ADD3: variants seen among roughly 807,000 people sequenced by gnomAD.
The protein encoded by ADD3 is gamma-adducin.
In ADD3, 25 loss-of-function variants were observed where a neutral mutation model predicts 80.2. The observed-to-expected ratio is 0.31, with a 90% CI of 0.23 to 0.44. The LOEUF (loss-of-function observed/expected upper bound fraction) is 0.44. ADD3 is among the 20% of genes least tolerant of loss of function. The pLI is 1.00. For missense variants in ADD3, 829 were observed against 847.5 expected, an observed-to-expected ratio of 0.98 and a Z score of 0.27; for synonymous variants, 284 against 289.6, an observed-to-expected ratio of 0.98 and a Z score of 0.20.
Position 110,088,105 on chromosome 10 carries a change from G to C in ADD3, c.-29-12520G>C, listed in dbSNP as rs185776517. ...ATCTCTCTCACTTTCCTCTTATAAA[G>C]ATACTAGTCGTTGGATTTAGGACTC... is the stretch of plus-strand genomic sequence containing the variant. On this transcript the variant is annotated intron_variant, in intron 1 of 14. Coordinates refer to ENST00000356080, the MANE Select transcript of ADD3 (RefSeq NM_016824.5). 2.0e-4 allele frequency among the ~76,000 whole-genome samples: 31 copies of C among 152,146 alleles called. 1 individual carries two copies. Among genetic ancestry groups the C allele is most frequent in the Middle Eastern group, 6.8e-3 (2 of 294 alleles).
intron 4 of ADD3, 53 bp downstream of exon 4, chr10:110,116,463 A>G (rs1479718361): frequency 1.3e-6 from 2 of 1,580,736 alleles, no homozygotes; most frequent in African/African-American, 1.3e-5. Context: ...CTAGAAGGCA[A>G]CTATACTCTT....
At chr10:110,059,565 A>G (rs143342476) in intron 1 of ADD3, among the ~76,000 whole-genome samples, 1,521 of 151,116 alleles carry the variant, frequency 0.01, 25 homozygotes, top group African/African-American at 0.033. Flanking sequence ...GTTCGAGAAC[A>G]GCCTGGCCAC....
Position 110,051,930 on chromosome 10 carries a change from T to C in ADD3, c.-30+43631T>C, listed in dbSNP as rs577615439. 7.2e-5 allele frequency among the ~76,000 whole-genome samples: 11 copies of C among 152,282 alleles called. No homozygotes were observed. The South Asian group carries it at 1.2e-3, about 17-fold the overall frequency. On this transcript the variant is annotated intron_variant, in intron 1 of 14. Transcript: ENST00000356080. ...CGATCCTCCAACCCAGCCTCCCAAG[T>C]AGCTGGGACCACAGGCCCACGCCAT...
At position 110,117,376 on chromosome 10, in the gene ADD3, T is replaced by A. The variant is rs370426959; in HGVS notation, c.521T>A (p.Ile174Lys). The A allele has an allele frequency of 6.2e-7, 1 of 1,606,632 alleles. No individual in the cohort carries two copies. Among genetic ancestry groups the A allele is most frequent in the Admixed American group, 1.7e-5 (1 of 59,992 alleles). Residue 174 changes from isoleucine to lysine, a missense_variant, in exon 5 of 15, where the codon ATA (isoleucine) becomes AAA (lysine). By Grantham distance (102) the Ile-to-Lys change is moderately radical. Coordinates refer to ENST00000356080, the MANE Select transcript of ADD3 (RefSeq NM_016824.5). ...RISKEQDHII[I>K]IPRGLSFSEA... Reference sequence around the variant, plus strand: ...AGTAAGGAGCAAGACCACATTATAATAATTCCCAGAGGCCTATCTTTTTCT... The same window carrying A: ...AGTAAGGAGCAAGACCACATTATAAAAATTCCCAGAGGCCTATCTTTTTCT...
chr10:109,996,761 T>C (rs1851388048), intron 1 of ADD3, among the ~76,000 whole-genome samples: 1 of 152,190 alleles, frequency 6.6e-6, no homozygotes, highest in Admixed American at 6.5e-5. Context: ...GAAATAAAAG[T>C]GTAGACAGTT....
chr10:110,099,938 T>C (rs937062167), intron 1 of ADD3, among the ~76,000 whole-genome samples: 36 of 152,242 alleles, frequency 2.4e-4, no homozygotes, highest in African/African-American at 8.4e-4. Flanking sequence ...TTCCTATTAC[T>C]CTGAAATACT....
intron 2 of ADD3, among the ~76,000 whole-genome samples, chr10:110,106,643 A>C (rs1849425661): frequency 6.6e-6 from 1 of 152,134 alleles, no homozygotes; most frequent in Non-Finnish European, 1.5e-5. Context: ...TATATAAAAT[A>C]AAAGGGTGTG....
chr10:110,002,809 A>G (rs2133683792), upstream of ADD3, among the ~76,000 whole-genome samples: 1 of 152,366 alleles, frequency 6.6e-6, no homozygotes, highest in East Asian at 1.9e-4. Context: ...GATTACTTAA[A>G]CAGTTGTATA....
At chr10:110,029,158 C>T (rs1273428468) in intron 1 of ADD3, among the ~76,000 whole-genome samples, 1 of 152,178 alleles carries the variant, frequency 6.6e-6, no homozygotes, top group African/African-American at 2.4e-5. Flanking sequence ...AGATTATCGG[C>T]GTGAGCCACC....
chr10:110,132,795 C>T (rs564194859), intron 14 of ADD3: 6 of 164,956 alleles, frequency 3.6e-5, no homozygotes, highest in South Asian at 2.9e-4. Flanking sequence ...GGTGTGGTGG[C>T]GGGCGCCTGT....
intron 1 of ADD3, among the ~76,000 whole-genome samples, chr10:110,046,421 T>A (rs1239840220): frequency 1.3e-5 from 1 of 77,518 alleles, no homozygotes; most frequent in Non-Finnish European, 2.2e-5. Flanking sequence ...TATACGTGGA[T>A]TTTTTTTTTT....
chr10:110,063,776 T>TATATATATATATAG (rs1564914369), intron 1 of ADD3, among the ~76,000 whole-genome samples: 1 of 97,726 alleles, frequency 1.0e-5, no homozygotes. Flanking sequence ...TATATATATA[T>TATATATATATATAG]ATATATAAAG....
chr10:110,133,501 C>G lies in ADD3; in HGVS notation c.2004C>G (p.Ile668Met), dbSNP rs13306102. 4 of 1,613,348 alleles carry G rather than the reference C, an allele frequency of 2.5e-6. No individual in the cohort carries two copies. Among genetic ancestry groups the G allele is most frequent in the Non-Finnish European group, 3.4e-6 (4 of 1,179,676 alleles). The change falls in exon 15 of 15, where the codon ATC becomes ATG. Residue 668 changes from isoleucine (I) to methionine (M), a missense_variant. Ile to Met is a conservative substitution (Grantham distance 10). Transcript: ENST00000356080. ...IEITIKSPEKIEEVLSPEGSP... is the reference protein window; with the variant it reads ...IEITIKSPEKMEEVLSPEGSP... ...TTACTATTAAGTCTCCAGAGAAAAT[C>G]GAAGAAGTCCTGTCACCTGAAGGCT...
In ADD3 at chr10:110,017,112, G is replaced by T. The variant is rs376243430; in HGVS notation, c.-30+8813G>T. ...TTAGTGAAGTAACTTGCCCAAGATCGTACCGTTAACAAAGGGCAGAGCCAA... is the reference window on the plus strand; with the variant it reads ...TTAGTGAAGTAACTTGCCCAAGATCTTACCGTTAACAAAGGGCAGAGCCAA... On this transcript the variant is annotated intron_variant, in intron 1 of 14. Coordinates refer to ENST00000356080, the MANE Select transcript of ADD3 (RefSeq NM_016824.5). Among the ~76,000 whole-genome samples, 11 of 152,252 alleles carry T rather than the reference G, an allele frequency of 7.2e-5. No individual in the cohort carries two copies. The South Asian group carries it at 8.3e-4, about 11-fold the overall frequency.
chr10:110,096,012 A>G (rs180769174), intron 1 of ADD3, among the ~76,000 whole-genome samples: 24 of 152,326 alleles, frequency 1.6e-4, no homozygotes, highest in African/African-American at 5.3e-4. Flanking sequence ...GGTGATGGAA[A>G]TAATCTCCTT....
intron 1 of ADD3, among the ~76,000 whole-genome samples, chr10:110,049,251 G>T (rs1857227268): frequency 6.6e-6 from 1 of 152,236 alleles, no homozygotes; most frequent in Admixed American, 6.5e-5. Flanking sequence ...GAAGTTTGCT[G>T]CAGGGCTGGG....
upstream of ADD3, among the ~76,000 whole-genome samples, chr10:110,001,065 A>G (rs754555514): frequency 6.6e-6 from 1 of 152,206 alleles, no homozygotes; most frequent in Non-Finnish European, 1.5e-5. Context: ...GAAGCTCTCC[A>G]TATGTTATGT....
intron 1 of ADD3, among the ~76,000 whole-genome samples, chr10:110,018,415 C>T (rs12358526): frequency 2.0e-5 from 3 of 150,704 alleles, no homozygotes; most frequent in Non-Finnish European, 4.4e-5. Flanking sequence ...GTAATCCCAG[C>T]TACTTGGGAG....
At chr10:110,116,120 ATAT>A (rs1184469065) in intron 3 of ADD3, 136 bp from the exon 4 acceptor site, 2 of 740,328 alleles carry the variant, frequency 2.7e-6, no homozygotes, top group African/African-American at 3.6e-5. Flanking sequence ...AGCTAATAAA[ATAT>A]TATATGGGCT....
Sources: allele counts gnomAD v4.1 joint callset (sites outside exome capture counted in the v4.1 genomes callset), GRCh38; gene constraint gnomAD v4.1.1; transcripts MANE v1.5; gene names NCBI Gene and HGNC (gene_info 2026-07-23, HGNC 2026-07-21).